CKAP5: variants seen among roughly 807,000 people sequenced by gnomAD.
CKAP5 encodes the protein cytoskeleton associated protein 5, also known as cytoskeleton-associated protein 5.
CKAP5 carries 27 observed loss-of-function variants against 232.8 expected under a neutral mutation model. The ratio of observed to expected loss-of-function variants is 0.12; its 90% CI spans 0.09 to 0.16. The LOEUF is 0.16. CKAP5 is among the 10% of genes least tolerant of loss of function. The probability of loss-of-function intolerance (pLI) is 1.00; values close to 1 mark genes in which losing one functional copy is unlikely to be tolerated. For synonymous variants in CKAP5, 785 were observed against 841.1 expected, an observed-to-expected ratio of 0.93 and a Z score of 1.16; for missense variants, 1,838 against 2,424.7, an observed-to-expected ratio of 0.76 and a Z score of 5.08.
intron 28 of CKAP5, 80 bp downstream of exon 28, chr11:46,765,051 A>G (rs2065189951): frequency 1.5e-6 from 2 of 1,320,160 alleles, no homozygotes; most frequent in Non-Finnish European, 2.1e-6. Flanking sequence ...ATTAAACAAT[A>G]ACATGAATTC....
chr11:46,744,422 G>A lies in CKAP5; in HGVS notation c.5856+4C>T. The A allele has an allele frequency of 1.2e-6, 2 of 1,614,120 alleles. No individual in the cohort carries two copies. The highest frequency in any genetic ancestry group is 1.7e-6 in the Non-Finnish European group (2 of 1,180,016). On this transcript the variant is annotated splice_donor_region_variant and intron_variant, in intron 43 of 43. Coordinates refer to ENST00000529230, the MANE Select transcript of CKAP5 (RefSeq NM_001008938.4). ...TGAACTGCACAGAAGAAAAGGAGCA[G>A]TACCTTTGTGTTGTCCAGACCACAT...
chr11:46,762,663 C>T lies in CKAP5; in HGVS notation c.3991G>A (p.Glu1331Lys). The T allele has an allele frequency of 6.2e-7, 1 of 1,614,144 alleles. No homozygotes were observed. Among genetic ancestry groups the T allele is most frequent in the Non-Finnish European group, 8.5e-7 (1 of 1,179,978 alleles). Residue 1331 changes from glutamate to lysine, a missense_variant, in exon 31 of 44, where the codon GAA (glutamate) becomes AAA (lysine). This residue lies in a region of CKAP5 where 579 missense variants were observed against 843.2 expected (regional missense o/e 0.69). Coordinates refer to ENST00000529230, the MANE Select transcript of CKAP5 (RefSeq NM_001008938.4). ...PASKMFPFIM[E>K]GTKSKNSKQR... ...TTAGAGTTTTTGGATTTGGTTCCTT[C>T]CATGATAAAGGGAAACATCTTGCTA...
intron 24 of CKAP5, among the ~76,000 whole-genome samples, chr11:46,773,349 A>T (rs1450367373): frequency 6.6e-6 from 1 of 151,862 alleles, no homozygotes; most frequent in Non-Finnish European, 1.5e-5. Flanking sequence ...TCCCGGTTCA[A>T]GTGATTCTCC....
At chr11:46,796,673 C>T (rs1938884714) in intron 12 of CKAP5, 139 bp downstream of exon 12, 34 of 885,296 alleles carry the variant, frequency 3.8e-5, no homozygotes, top group Non-Finnish European at 3.3e-6. Flanking sequence ...CATTTCTTTC[C>T]TACTATAAAT....
Position 46,744,065 on chromosome 11 carries a change from G to A in CKAP5, c.6057C>T (p.Asp2019=). 1 of 1,613,760 alleles carries A rather than the reference G, an allele frequency of 6.2e-7. No homozygotes were observed. Among genetic ancestry groups the A allele is most frequent in the Non-Finnish European group, 8.5e-7 (1 of 1,180,022 alleles). The part of the protein sequence containing the change: ...TSSSSTANID[D]LKKRLERIKS... ...TTATTCTCTCCAGTCTTTTTTTCAA[G>A]TCGTCTATGTTAGCTGTGGAGGAGG... The change falls in exon 44 of 44, where the codon GAC becomes GAT. Residue 2019 remains aspartate (D), a synonymous_variant. Transcript: ENST00000529230.
At chr11:46,750,848 T>TTG (rs2065059153) in intron 40 of CKAP5, among the ~76,000 whole-genome samples, 1 of 152,242 alleles carries the variant, frequency 6.6e-6, no homozygotes, top group African/African-American at 2.4e-5. Flanking sequence ...TGACATATTC[T>TTG]TTCCATGTTA....
intron 18 of CKAP5, among the ~76,000 whole-genome samples, chr11:46,780,908 G>T (rs2065336156): frequency 6.6e-6 from 1 of 152,140 alleles, no homozygotes; most frequent in Non-Finnish European, 1.5e-5. Flanking sequence ...ACAGGCATGA[G>T]CTACCACACC....
chr11:46,776,806 T>C (rs1294328598), intron 23 of CKAP5, among the ~76,000 whole-genome samples: 2 of 147,910 alleles, frequency 1.4e-5, no homozygotes, highest in African/African-American at 5.0e-5. Context: ...TATATTTTTA[T>C]ATTAATTTAC....
chr11:46,783,406 G>A (rs141994799), intron 17 of CKAP5, 38 bp from the exon 18 acceptor site: 69 of 1,262,870 alleles, frequency 5.5e-5, no homozygotes, highest in Admixed American at 2.9e-4. Flanking sequence ...GTTTTATCTC[G>A]TATTTCTTAT....
At position 46,784,689 on chromosome 11, in the gene CKAP5, T is replaced by C; in HGVS notation, c.1969-16A>G. The C allele has an allele frequency of 1.9e-6, 3 of 1,604,794 alleles. No homozygotes were observed. Among genetic ancestry groups the C allele is most frequent in the Non-Finnish European group, 2.6e-6 (3 of 1,172,844 alleles). On this transcript the variant is annotated splice_polypyrimidine_tract_variant and intron_variant, in intron 16 of 43. Coordinates refer to ENST00000529230, the MANE Select transcript of CKAP5 (RefSeq NM_001008938.4). ...TTTGCATCACCTGAACAAGGATCAG[T>C]ATCATAAAGCTAAGAGCAAGCCAAG...
At chr11:46,799,061 A>G (rs1012182701) in intron 9 of CKAP5, among the ~76,000 whole-genome samples, 1 of 152,122 alleles carries the variant, frequency 6.6e-6, no homozygotes, top group Non-Finnish European at 1.5e-5. Context: ...GTGCAGTGGG[A>G]TGAACATGGC....
At chr11:46,805,036 GA>G (rs1386901416) in intron 8 of CKAP5, among the ~76,000 whole-genome samples, 1 of 150,528 alleles carries the variant, frequency 6.6e-6, no homozygotes, top group African/African-American at 2.4e-5. Flanking sequence ...AGGAGTTCAA[GA>G]CCAACATGAT....
At chr11:46,821,370 A>G in intron 1 of CKAP5, 102 bp from the exon 2 acceptor site, 1 of 555,828 alleles carries the variant, frequency 1.8e-6, no homozygotes, top group Non-Finnish European at 3.2e-6. Context: ...CAACAACAAG[A>G]GTAAAAATCC....
Position 46,778,543 on chromosome 11 carries a change from A to C in CKAP5, c.2490T>G (p.Ser830Arg). Residue 830 changes from serine to arginine, a missense_variant, in exon 21 of 44, where the codon AGT becomes AGG. This residue lies in a region of CKAP5 where 767 missense variants were observed against 954.6 expected (regional missense o/e 0.80). Coordinates refer to ENST00000529230, the MANE Select transcript of CKAP5 (RefSeq NM_001008938.4). ...PTRGISKHST[S>R]GTDEGEDGDE... ...CTCCATCTTCTCCTTCATCTGTACC[A>C]CTTGTGCTATGCTTGGAAATTCCTC... 1 of 1,613,938 alleles carries C rather than the reference A, an allele frequency of 6.2e-7. No homozygotes were observed. The highest frequency in any genetic ancestry group is 8.5e-7 in the Non-Finnish European group (1 of 1,179,924).
At chr11:46,752,195 C>CAT (rs1565716304) in intron 38 of CKAP5, among the ~76,000 whole-genome samples, 9 of 58,166 alleles carry the variant, frequency 1.5e-4, no homozygotes, top group African/African-American at 3.9e-4. Flanking sequence ...TATATATATA[C>CAT]ACACACACAC....
chr11:46,762,603 C>T (rs1307657726), intron 31 of CKAP5, 24 bp downstream of exon 31: 1 of 1,613,100 alleles, frequency 6.2e-7, no homozygotes. Context: ...AGATTCACAT[C>T]TCAGTTTAAA....
At chr11:46,845,628 T>C (rs1940168750) in intron 1 of CKAP5, among the ~76,000 whole-genome samples, 1 of 152,090 alleles carries the variant, frequency 6.6e-6, no homozygotes, top group South Asian at 2.1e-4. Flanking sequence ...CCTCCAGGGC[T>C]GGAAGGACAC....
At chr11:46,761,006 T>C (rs1307657352) in intron 32 of CKAP5, among the ~76,000 whole-genome samples, 4 of 152,098 alleles carry the variant, frequency 2.6e-5, no homozygotes, top group Non-Finnish European at 5.9e-5. Context: ...CCCAGCACTT[T>C]GGGAGGCCAA....
intron 42 of CKAP5, among the ~76,000 whole-genome samples, chr11:46,745,406 T>C (rs1300264831): frequency 2.0e-5 from 3 of 152,180 alleles, no homozygotes; most frequent in Non-Finnish European, 4.4e-5. Context: ...GCCAGCAATA[T>C]GAGATGTCTG....
Sources: gnomAD v4.1 joint callset for allele counts (sites outside exome capture counted in the v4.1 genomes callset) on GRCh38, gnomAD v4.1.1 for gene constraint, gnomAD v4.1.1 regional missense constraint, MANE v1.5 for transcripts, NCBI Gene and HGNC (gene_info 2026-07-23, HGNC 2026-07-21) for gene names.